The following ERBB4 variants were observed in gnomAD, a reference collection of about 807,000 sequenced individuals.
ERBB4 encodes the protein erb-b2 receptor tyrosine kinase 4, also known as receptor tyrosine-protein kinase erbB-4.
A neutral mutation model predicts 158.0 loss-of-function variants in ERBB4; 42 were observed. The ratio of observed to expected loss-of-function variants is 0.27; its 90% CI spans 0.21 to 0.34. ERBB4 has a LOEUF of 0.34. Among genes scored for constraint, ERBB4 ranks in the 10% least tolerant of loss-of-function variants. ERBB4 has a pLI of 1.00. For missense variants in ERBB4, 1,333 were observed against 1,624.1 expected, an observed-to-expected ratio of 0.82 and a Z score of 3.08; for synonymous variants, 583 against 558.7, an observed-to-expected ratio of 1.04 and a Z score of -0.61.
At chr2:212,107,265 C>A (rs1010489926) in intron 2 of ERBB4, among the ~76,000 whole-genome samples, 2 of 152,182 alleles carry the variant, frequency 1.3e-5, no homozygotes, top group African/African-American at 4.8e-5. Context: ...GGGAGCCCAC[C>A]TCTTGCATCA....
intron 1 of ERBB4, among the ~76,000 whole-genome samples, chr2:212,496,294 C>CA (rs1175500992): frequency 6.8e-6 from 1 of 146,156 alleles, no homozygotes; most frequent in South Asian, 2.2e-4. Context: ...AAAAAAAAAA[C>CA]AAAAAAACAG....
chr2:212,185,012 CTTTTTTTTCTTTT>C lies in ERBB4; in HGVS notation c.83-60122_83-60110del, dbSNP rs575687752. Among the ~76,000 whole-genome samples, 14 of 139,950 alleles carry C rather than the reference CTTTTTTTTCTTTT, an allele frequency of 1.0e-4. No individual in the cohort carries two copies. In the South Asian group the frequency reaches 2.8e-3, roughly 28 times the overall value. The allele number at this position is 139,950 out of a possible 152,430, so 91.8% of individuals were successfully genotyped here. On this transcript the variant is annotated intron_variant, in intron 1 of 27. Transcript: ENST00000342788. The stretch of plus-strand genomic sequence containing the variant: ...CCATGTCCATTAGATATCACAGTTA[CTTTTTTTTCTTTT>C]TTTTTTTTCTTTTGAGACAGAGTCT...
intron 3 of ERBB4, among the ~76,000 whole-genome samples, chr2:211,801,728 T>C (rs1422084877): frequency 6.6e-6 from 1 of 152,180 alleles, no homozygotes; most frequent in African/African-American, 2.4e-5. Flanking sequence ...ACTAAACATT[T>C]ATTTGTGAAT....
intron 4 of ERBB4, among the ~76,000 whole-genome samples, chr2:211,783,142 G>A (rs2076077097): frequency 6.6e-6 from 1 of 152,186 alleles, no homozygotes; most frequent in Non-Finnish European, 1.5e-5. Context: ...TTGTGAATGG[G>A]AGTTCACCAT....
chr2:211,965,532 G>A (rs1459655748), intron 2 of ERBB4, among the ~76,000 whole-genome samples: 4 of 152,018 alleles, frequency 2.6e-5, no homozygotes, highest in African/African-American at 2.4e-5. Flanking sequence ...TTCAAAGACC[G>A]GAGTACAAGT....
intron 12 of ERBB4, among the ~76,000 whole-genome samples, chr2:211,685,560 C>T (rs1429594967): frequency 6.6e-6 from 1 of 152,132 alleles, no homozygotes; most frequent in Non-Finnish European, 1.5e-5. Flanking sequence ...ACTGAATATT[C>T]CCATTTCATT....
At chr2:211,790,204 G>A (rs1183670713) in intron 3 of ERBB4, among the ~76,000 whole-genome samples, 7 of 151,908 alleles carry the variant, frequency 4.6e-5, no homozygotes, top group African/African-American at 1.7e-4. Flanking sequence ...GAGACATTAG[G>A]TGATGCTCTT....
At chr2:211,946,169 T>G (rs1397756082) in intron 3 of ERBB4, among the ~76,000 whole-genome samples, 1 of 152,022 alleles carries the variant, frequency 6.6e-6, no homozygotes, top group Non-Finnish European at 1.5e-5. Context: ...CAATTTGCAT[T>G]CACCATTATT....
intron 25 of ERBB4, among the ~76,000 whole-genome samples, chr2:211,400,904 C>T (rs1162098058): frequency 6.6e-6 from 1 of 151,938 alleles, no homozygotes; most frequent in East Asian, 1.9e-4. Flanking sequence ...AAAATATATA[C>T]CTACTATGTA....
At chr2:212,327,108 T>C (rs2087876624) in intron 1 of ERBB4, among the ~76,000 whole-genome samples, 1 of 150,548 alleles carries the variant, frequency 6.6e-6, no homozygotes, top group Non-Finnish European at 1.5e-5. Flanking sequence ...TTCATGAAGT[T>C]TTTGAGACGA....
At chr2:211,467,501 C>A (rs1261784807) in intron 20 of ERBB4, among the ~76,000 whole-genome samples, 2 of 152,152 alleles carry the variant, frequency 1.3e-5, no homozygotes, top group Non-Finnish European at 2.9e-5. Flanking sequence ...TGTCTACGTT[C>A]ACAGTGCTTC....
At chr2:211,716,465 A>C (rs2073910012) in intron 7 of ERBB4, among the ~76,000 whole-genome samples, 1 of 150,814 alleles carries the variant, frequency 6.6e-6, no homozygotes, top group Non-Finnish European at 1.5e-5. Context: ...TCACGAGGTC[A>C]GGAGATCGAG....
chr2:212,157,726 T>G (rs1209086066), intron 1 of ERBB4, among the ~76,000 whole-genome samples: 2 of 152,118 alleles, frequency 1.3e-5, no homozygotes, highest in Admixed American at 1.3e-4. Context: ...TAAATCCACA[T>G]GTATAGAAAC....
intron 3 of ERBB4, among the ~76,000 whole-genome samples, chr2:211,898,928 C>A (rs200428373): frequency 6.6e-6 from 1 of 152,160 alleles, no homozygotes; most frequent in East Asian, 1.9e-4. Context: ...GGAATCTTCA[C>A]ACTCAATCGT....
intron 25 of ERBB4, among the ~76,000 whole-genome samples, chr2:211,417,246 G>A (rs938336850): frequency 6.6e-6 from 1 of 152,128 alleles, no homozygotes; most frequent in African/African-American, 2.4e-5. Flanking sequence ...GCCACGGTGG[G>A]TGGATTGCTT....
chr2:211,521,641 C>T (rs2066188304), intron 20 of ERBB4, among the ~76,000 whole-genome samples: 1 of 152,176 alleles, frequency 6.6e-6, no homozygotes, highest in Non-Finnish European at 1.5e-5. Flanking sequence ...AAGATGCCAT[C>T]TAGGATTTTT....
intron 20 of ERBB4, among the ~76,000 whole-genome samples, chr2:211,510,294 A>T (rs1170970860): frequency 1.3e-5 from 2 of 152,066 alleles, no homozygotes; most frequent in Non-Finnish European, 2.9e-5. Flanking sequence ...GGAAATAATA[A>T]ACACGGGGCA....
chr2:211,875,895 G>A (rs554456385), intron 3 of ERBB4, among the ~76,000 whole-genome samples: 2 of 152,104 alleles, frequency 1.3e-5, no homozygotes, highest in African/African-American at 2.4e-5. Flanking sequence ...ATGCTGCACT[G>A]GTTTGTAGTA....
At chr2:211,740,476 A>G (rs528375008) in intron 5 of ERBB4, among the ~76,000 whole-genome samples, 6 of 152,140 alleles carry the variant, frequency 3.9e-5, no homozygotes, top group African/African-American at 1.4e-4. Context: ...CATTTATTTT[A>G]ATATAATGGA....
Sources: allele counts gnomAD v4.1 joint callset (sites outside exome capture counted in the v4.1 genomes callset), GRCh38; gene constraint gnomAD v4.1.1; transcripts MANE v1.5; gene names NCBI Gene and HGNC (gene_info 2026-07-23, HGNC 2026-07-21).